Variants in GARNL3 observed in about 807,000 individuals in gnomAD.
The protein encoded by GARNL3 is GTPase activating Rap/RanGAP domain like 3, also known as GTPase-activating Rap/Ran-GAP domain-like protein 3.
A neutral mutation model predicts 125.0 loss-of-function variants in GARNL3; 63 were observed. The observed-to-expected ratio is 0.50, with a 90% CI of 0.41 to 0.62. The LOEUF is 0.62. Ranked by LOEUF, GARNL3 falls within the 20% of genes least tolerant of loss-of-function variation. GARNL3 has a pLI of 0.00. For synonymous variants in GARNL3, 439 were observed against 457.5 expected (o/e 0.96, Z 0.52); for missense variants, 994 against 1,244.0 (o/e 0.80, Z 3.02).
chr9:127,354,372 G>C lies in GARNL3; in HGVS notation c.1721G>C (p.Arg574Thr). Residue 574 changes from arginine (R) to threonine (T), a missense_variant, in exon 19 of 28, where the codon AGG (arginine) becomes ACG (threonine). Arg to Thr is a moderately conservative substitution (Grantham distance 71). Coordinates refer to ENST00000373387, the MANE Select transcript of GARNL3 (RefSeq NM_032293.5). ...GLEGKQAGKSRSDCRENKLEK... is the reference protein window; with the variant it reads ...GLEGKQAGKSTSDCRENKLEK... ...GAGGGGAAGCAGGCTGGGAAGAGCA[G>C]GTCTGACTGCAGAGAAAACAAGTTG... is the stretch of plus-strand genomic sequence containing the variant. The C allele has an allele frequency of 6.2e-7, 1 of 1,613,392 alleles. No homozygotes were observed. The highest frequency in any genetic ancestry group is 2.2e-5 in the East Asian group (1 of 44,854).
intron 2 of GARNL3, among the ~76,000 whole-genome samples, chr9:127,298,007 T>G (rs2064657341): frequency 6.6e-6 from 1 of 152,218 alleles, no homozygotes; most frequent in African/African-American, 2.4e-5. Flanking sequence ...GTGTGTATTG[T>G]TTTTATTTGG....
intron 25 of GARNL3, 134 bp downstream of exon 25, chr9:127,387,465 G>A: frequency 2.2e-6 from 2 of 920,536 alleles, no homozygotes; most frequent in Non-Finnish European, 3.2e-6. Context: ...GAAACTAGCT[G>A]AGCGTGGTGG....
chr9:127,359,907 T>C lies in GARNL3; in HGVS notation c.2094+2530T>C, dbSNP rs1178316721. Among the ~76,000 whole-genome samples, 6 of 152,318 alleles carry C rather than the reference T, an allele frequency of 3.9e-5. No individual in the cohort carries two copies. The East Asian group carries it at 1.2e-3, about 29-fold the overall frequency. ...AAACCATTTTCTTTGATGACTTCTG[T>C]GCTTTGTTTTTTGGATGGCTGTCAG... On this transcript the variant is annotated intron_variant, in intron 21 of 27. Transcript: ENST00000373387.
chr9:127,381,363 AT>A (rs546370484), intron 22 of GARNL3, among the ~76,000 whole-genome samples: 56 of 151,780 alleles, frequency 3.7e-4, no homozygotes, highest in Non-Finnish European at 7.5e-4. Context: ...TAATTATATC[AT>A]TTTTTATTCC....
chr9:127,365,498 G>A, intron 22 of GARNL3, 132 bp downstream of exon 22: 2 of 772,748 alleles, frequency 2.6e-6, no homozygotes, highest in Non-Finnish European at 4.5e-6. Context: ...CTTCCAGGAA[G>A]GAACTGAAAA....
chr9:127,295,504 C>T (rs149106350), intron 2 of GARNL3, among the ~76,000 whole-genome samples: 377 of 152,270 alleles, frequency 2.5e-3, no homozygotes, highest in African/African-American at 8.8e-3. Flanking sequence ...CAATTCAATT[C>T]TCACACCGAC....
intron 2 of GARNL3, among the ~76,000 whole-genome samples, chr9:127,296,730 C>CAA (rs1400316166): frequency 2.0e-5 from 3 of 152,060 alleles, no homozygotes; most frequent in African/African-American, 7.2e-5. Context: ...CTCGGCCTCC[C>CAA]AAAGTGCTGG....
chr9:127,233,862 T>C (rs756804740), intron 1 of GARNL3, among the ~76,000 whole-genome samples: 40 of 152,222 alleles, frequency 2.6e-4, no homozygotes, highest in Admixed American at 6.5e-5. Flanking sequence ...CTCCTTTTCT[T>C]CTTCCTTATG....
intron 1 of GARNL3, among the ~76,000 whole-genome samples, chr9:127,282,691 A>G (rs2064135338): frequency 6.6e-6 from 1 of 152,192 alleles, no homozygotes; most frequent in Non-Finnish European, 1.5e-5. Flanking sequence ...CTAAGTAAAA[A>G]TATTGTTCCT....
chr9:127,358,921 A>G (rs1176990899), intron 21 of GARNL3, among the ~76,000 whole-genome samples: 1 of 152,178 alleles, frequency 6.6e-6, no homozygotes, highest in Non-Finnish European at 1.5e-5. Flanking sequence ...AGAGCTTTAA[A>G]AAGGTCAGTG....
rs1830073464 is a variant in GARNL3 at position 127,345,240 on chromosome 9, G to C, written c.1357-163G>C. Among the ~76,000 whole-genome samples the C allele has an allele frequency of 1.3e-5, 2 of 152,204 alleles. 1 individual carries two copies. The highest frequency in any genetic ancestry group is 4.1e-4 in the South Asian group (2 of 4,830). Reference sequence around the variant, plus strand: ...GCGACATTGTCATTAAGGCTTCACTGTGTCCAGCTAACTTCAATTCTTGAT... The same window carrying C: ...GCGACATTGTCATTAAGGCTTCACTCTGTCCAGCTAACTTCAATTCTTGAT... On this transcript the variant is annotated intron_variant, in intron 15 of 27. Coordinates refer to ENST00000373387, the MANE Select transcript of GARNL3 (RefSeq NM_032293.5).
At chr9:127,229,164 C>T (rs1035238995) in intron 1 of GARNL3, among the ~76,000 whole-genome samples, 12 of 152,194 alleles carry the variant, frequency 7.9e-5, no homozygotes, top group Non-Finnish European at 1.6e-4. Context: ...TAACTTAAAA[C>T]AGATAAATGT....
Position 127,387,193 on chromosome 9 carries a change from T to C in GARNL3, c.2389T>C (p.Ser797Pro). The C allele has an allele frequency of 6.2e-7, 1 of 1,610,032 alleles. No individual in the cohort carries two copies. Among genetic ancestry groups the C allele is most frequent in the Non-Finnish European group, 8.5e-7 (1 of 1,178,068 alleles). ...GGTAATGCTCTCTCTTCCTTTCTAG[T>C]CGGATATATACTTCACAGCAACTGC... ...VPQLQLVASR[S>P]DIYFTATAAV... Residue 797 changes from serine to proline, a missense_variant and splice_region_variant, in exon 25 of 28, where the codon TCG becomes CCG. Around this residue, in one of 5 missense-constraint regions of GARNL3, gnomAD observed 728 missense variants for 865.7 expected, o/e 0.84. Coordinates refer to ENST00000373387, the MANE Select transcript of GARNL3 (RefSeq NM_032293.5).
Position 127,242,058 on chromosome 9 carries a change from C to T in GARNL3, c.-28-1021C>T, listed in dbSNP as rs1357787531. Among the ~76,000 whole-genome samples, 1 of 152,048 alleles carries T rather than the reference C, an allele frequency of 6.6e-6. No individual in the cohort carries two copies. Among genetic ancestry groups the T allele is most frequent in the Admixed American group, 6.6e-5 (1 of 15,266 alleles). On this transcript the variant is annotated intron_variant, in intron 1 of 10. Transcript: ENST00000439286. This position sits in a 1 kb window ranked among gnomAD's most constrained non-coding sequence, Gnocchi z 4.6. ...GCCAGTGCCTATCTGATTCCAAAGC[C>T]CCAACTTGTGTGGAGTCGCTTTTCT...
At chr9:127,338,342 G>T (rs1829667512) in intron 12 of GARNL3, among the ~76,000 whole-genome samples, 181 bp downstream of exon 12, 1 of 152,152 alleles carries the variant, frequency 6.6e-6, no homozygotes, top group Non-Finnish European at 1.5e-5. Context: ...ATCCAGTGTT[G>T]TTCCATGAAG....
chr9:127,300,612 G>A (rs1222768857), intron 2 of GARNL3: 5 of 295,616 alleles, frequency 1.7e-5, no homozygotes, highest in South Asian at 3.1e-5. Flanking sequence ...GCGCCACCAC[G>A]CTTGGCTAAT....
chr9:127,356,284 A>C (rs999919702), intron 20 of GARNL3: 3 of 152,210 alleles, frequency 2.0e-5, no homozygotes, highest in East Asian at 3.8e-4. Flanking sequence ...CTTTGGTAGC[A>C]GGAGAGATGG....
chr9:127,225,447 A>G, intron 1 of GARNL3: 1 of 784,212 alleles, frequency 1.3e-6, no homozygotes, highest in Non-Finnish European at 1.5e-6. Context: ...GGTGCCGGCC[A>G]CGTGGGGGGA....
rs182788861 is a variant in GARNL3, at chr9:127,390,537, A to G, written c.2744-104A>G. The G allele has an allele frequency of 1.2e-5, 12 of 986,042 alleles. No individual in the cohort carries two copies. The East Asian group carries it at 2.9e-4, about 24-fold the overall frequency. The allele number at this position is 986,042 out of a possible 1,614,324, so 61.1% of individuals were successfully genotyped here. On this transcript the variant is annotated intron_variant, in intron 26 of 27. Coordinates refer to ENST00000373387, the MANE Select transcript of GARNL3 (RefSeq NM_032293.5). ...TTCTATCATCTTTCTTCCTGACTCT[A>G]GCACAACAATGCACCAGTTCCCAAC...
Sources: gnomAD v4.1 joint callset for allele counts (sites outside exome capture counted in the v4.1 genomes callset) on GRCh38, gnomAD v4.1.1 for gene constraint, gnomAD v4.1.1 regional missense constraint, Gnocchi (gnomAD v3.1) non-coding constraint, MANE v1.5 for transcripts, NCBI Gene and HGNC (gene_info 2026-07-23, HGNC 2026-07-21) for gene names.